Variants in RAD18 observed in about 807,000 individuals in gnomAD.
RAD18 encodes E3 ubiquitin-protein ligase RAD18.
RAD18 carries 47 observed loss-of-function variants against 60.4 expected under a neutral mutation model. The ratio of observed to expected loss-of-function variants is 0.78; its 90% CI spans 0.62 to 0.99. The LOEUF is 0.99. Among genes scored for constraint, RAD18 ranks in the 50% least tolerant of loss-of-function variants. The pLI, the probability that RAD18 is intolerant of heterozygous loss-of-function variation, is 0.00. For synonymous variants in RAD18, 225 were observed against 195.5 expected, an observed-to-expected ratio of 1.15 and a Z score of -1.26; for missense variants, 640 against 593.3, an observed-to-expected ratio of 1.08 and a Z score of -0.82.
At chr3:8,885,026 T>TTTAAC (rs1939533652) in intron 12 of RAD18, among the ~76,000 whole-genome samples, 1 of 152,272 alleles carries the variant, frequency 6.6e-6, no homozygotes, top group Non-Finnish European at 1.5e-5. Flanking sequence ...GTGAGGCATC[T>TTTAAC]ATCTACTGTT....
chr3:8,917,010 AAAAC>A (rs1330938561), intron 7 of RAD18, among the ~76,000 whole-genome samples: 1 of 152,190 alleles, frequency 6.6e-6, no homozygotes, highest in African/African-American at 2.4e-5. Flanking sequence ...CACAGATATA[AAAAC>A]AAACCCAAAA....
intron 7 of RAD18, among the ~76,000 whole-genome samples, chr3:8,916,037 C>A (rs752773739): frequency 1.3e-5 from 2 of 152,176 alleles, no homozygotes; most frequent in African/African-American, 4.8e-5. Flanking sequence ...GGACATGAAG[C>A]CCCAATCACA....
Position 8,936,034 on chromosome 3 carries a change from C to T in RAD18, c.726G>A (p.Pro242=), listed in dbSNP as rs914450706. The T allele has an allele frequency of 8.8e-6, 14 of 1,589,420 alleles. No homozygotes were observed. The highest frequency in any genetic ancestry group is 2.3e-5 in the East Asian group (1 of 44,242). Residue 242 remains proline (P), a synonymous_variant, in exon 7 of 13, where the codon CCG becomes CCA. Coordinates refer to ENST00000264926, the MANE Select transcript of RAD18 (RefSeq NM_020165.4). ...SLRSSVHKRK[P]LPKTVYNLLS... ...GCAAATTATATACAGTTTTGGGCAG[C>T]GGCTTCCTTTTGTGAACAGAACTGA...
intron 6 of RAD18, among the ~76,000 whole-genome samples, chr3:8,936,829 A>G (rs77214888): frequency 8.5e-5 from 13 of 152,308 alleles, no homozygotes; most frequent in African/African-American, 1.4e-4. Flanking sequence ...CCATCCACCA[A>G]TTAGGGTTCA....
chr3:8,890,333 G>A, intron 12 of RAD18, 56 bp downstream of exon 12: 1 of 1,329,306 alleles, frequency 7.5e-7, no homozygotes, highest in Non-Finnish European at 1.1e-6. Context: ...CAGCTGCATA[G>A]AAGTATAATT....
intron 9 of RAD18, among the ~76,000 whole-genome samples, chr3:8,911,424 T>C (rs1389964099): frequency 6.6e-6 from 1 of 152,188 alleles, no homozygotes; most frequent in Non-Finnish European, 1.5e-5. Context: ...TGTTCTCCTT[T>C]CTAAAGAAAA....
chr3:8,951,376 T>G (rs909681655), intron 2 of RAD18, among the ~76,000 whole-genome samples: 1 of 152,156 alleles, frequency 6.6e-6, no homozygotes, highest in Non-Finnish European at 1.5e-5. Flanking sequence ...AACCTAAAAC[T>G]ATATCCTGAG....
chr3:8,933,887 G>C (rs1479465208), intron 7 of RAD18, among the ~76,000 whole-genome samples: 1 of 152,140 alleles, frequency 6.6e-6, no homozygotes, highest in Non-Finnish European at 1.5e-5. Context: ...CAGACAGCAA[G>C]ACCTATTATA....
At chr3:8,945,200 TGA>T (rs1204668773) in intron 4 of RAD18, among the ~76,000 whole-genome samples, 1 of 152,208 alleles carries the variant, frequency 6.6e-6, no homozygotes, top group African/African-American at 2.4e-5. Context: ...TCCCCTTTAC[TGA>T]GAGACAACTG....
intron 4 of RAD18, among the ~76,000 whole-genome samples, chr3:8,945,227 G>A (rs566992183): frequency 1.1e-4 from 17 of 152,198 alleles, no homozygotes; most frequent in South Asian, 1.0e-3. Flanking sequence ...AAATTTGATC[G>A]TTTTTAGAAT....
intron 1 of RAD18, among the ~76,000 whole-genome samples, chr3:8,960,356 T>C (rs1194259479): frequency 6.6e-6 from 1 of 151,994 alleles, no homozygotes; most frequent in African/African-American, 2.4e-5. Context: ...TAAATGTAAA[T>C]AATGAGAAGA....
chr3:8,912,942 G>A (rs1940128476), intron 8 of RAD18, among the ~76,000 whole-genome samples: 1 of 152,046 alleles, frequency 6.6e-6, no homozygotes, highest in Non-Finnish European at 1.5e-5. Context: ...TAGGGTCAAT[G>A]TAAATCCCAT....
At chr3:8,958,019 T>C (rs971465824) in intron 2 of RAD18, among the ~76,000 whole-genome samples, 1 of 152,256 alleles carries the variant, frequency 6.6e-6, no homozygotes, top group Non-Finnish European at 1.5e-5. Context: ...AAACTAACAT[T>C]GTTAAGGACT....
Position 8,899,051 on chromosome 3 carries a change from G to A in RAD18, c.1169-4C>T. 6.4e-7 allele frequency: 1 copy of A among 1,563,864 alleles called. No homozygotes were observed. Reference sequence around the variant, plus strand: ...GAGGTCATATTATCTTCCTGTCCTAGGAAAAAATAAATTTAAGAGTACCTT... The same window carrying A: ...GAGGTCATATTATCTTCCTGTCCTAAGAAAAAATAAATTTAAGAGTACCTT... On this transcript the variant is annotated splice_polypyrimidine_tract_variant and splice_region_variant and intron_variant, in intron 10 of 12. Coordinates refer to ENST00000264926, the MANE Select transcript of RAD18 (RefSeq NM_020165.4).
chr3:8,903,660 G>A (rs1447548110), intron 9 of RAD18, among the ~76,000 whole-genome samples: 2 of 152,052 alleles, frequency 1.3e-5, no homozygotes, highest in African/African-American at 4.8e-5. Flanking sequence ...ATGGACTTTA[G>A]GGCATGTATT....
intron 2 of RAD18, among the ~76,000 whole-genome samples, chr3:8,950,640 A>G (rs565230290): frequency 5.3e-5 from 8 of 152,240 alleles, no homozygotes; most frequent in Non-Finnish European, 1.0e-4. Flanking sequence ...TTATTAACAA[A>G]AAAACCACAA....
At chr3:8,914,805 C>G (rs1288396001) in intron 7 of RAD18, among the ~76,000 whole-genome samples, 1 of 151,940 alleles carries the variant, frequency 6.6e-6, no homozygotes, top group Non-Finnish European at 1.5e-5. Context: ...ACAAGTATCA[C>G]TAAAGACAGA....
chr3:8,909,241 T>A (rs1159527672), intron 9 of RAD18, among the ~76,000 whole-genome samples: 1 of 152,120 alleles, frequency 6.6e-6, no homozygotes, highest in Admixed American at 6.6e-5. Flanking sequence ...CAGGTCCAGA[T>A]ACAGGAAATA....
At chr3:8,884,554 T>A (rs1432106968) in intron 12 of RAD18, among the ~76,000 whole-genome samples, 1 of 152,232 alleles carries the variant, frequency 6.6e-6, no homozygotes, top group Non-Finnish European at 1.5e-5. Context: ...TGTTCCTCCT[T>A]ACTTTTAACT....
Sources: allele counts gnomAD v4.1 joint callset (sites outside exome capture counted in the v4.1 genomes callset), GRCh38; gene constraint gnomAD v4.1.1; transcripts MANE v1.5; gene names NCBI Gene and HGNC (gene_info 2026-07-23, HGNC 2026-07-21).